LONRF3: variants seen among roughly 807,000 people sequenced by gnomAD.
The protein encoded by LONRF3 is LON peptidase N-terminal domain and RING finger protein 3.
LONRF3 carries 19 observed loss-of-function variants against 51.7 expected under a neutral mutation model. The ratio of observed to expected loss-of-function variants is 0.37; its 90% CI spans 0.26 to 0.54. LONRF3 has a LOEUF of 0.54. LONRF3 is among the 20% of genes least tolerant of loss of function. The probability of loss-of-function intolerance (pLI) is 0.86; values close to 1 mark genes in which losing one functional copy is unlikely to be tolerated. For missense variants in LONRF3, 521 were observed against 623.9 expected, an observed-to-expected ratio of 0.84 and a Z score of 1.76; for synonymous variants, 265 against 257.8, an observed-to-expected ratio of 1.03 and a Z score of -0.27.
chrX:118,998,749 T>G (rs956052276), intron 5 of LONRF3, among the ~76,000 whole-genome samples: 6 of 112,409 alleles, frequency 5.3e-5, no homozygotes, highest in Non-Finnish European at 9.4e-5. Flanking sequence ...TCACCCGGGC[T>G]GGAGTGCAGT....
chrX:118,997,038 T>G (rs1486283318), intron 5 of LONRF3, among the ~76,000 whole-genome samples: 3 of 110,542 alleles, frequency 2.7e-5, no homozygotes, highest in Non-Finnish European at 3.8e-5. Flanking sequence ...GAATCAATAC[T>G]GTGAAAACGA....
At chrX:118,987,026 C>A in intron 3 of LONRF3, 1 of 1,152,810 alleles carries the variant, frequency 8.7e-7, no homozygotes, top group Non-Finnish European at 1.1e-6. Flanking sequence ...TAAAGGAAAA[C>A]GTAGAGTCAA....
At chrX:119,009,004 G>T in intron 6 of LONRF3, 122 bp from the exon 7 acceptor site, 2 of 464,537 alleles carry the variant, frequency 4.3e-6, no homozygotes, top group Non-Finnish European at 3.5e-6. Flanking sequence ...CTGCTAATTT[G>T]TGGGTCCAGA....
At chrX:118,987,460 T>TTTTTG (rs1923088329) in intron 3 of LONRF3, among the ~76,000 whole-genome samples, 3 of 89,586 alleles carry the variant, frequency 3.3e-5, no homozygotes, top group Non-Finnish European at 6.6e-5. Flanking sequence ...TTTTTTTTTT[T>TTTTTG]TTTTTTTTTT....
chrX:118,975,805 G>A (rs1179590717), intron 1 of LONRF3, among the ~76,000 whole-genome samples: 1 of 109,936 alleles, frequency 9.1e-6, no homozygotes, highest in Non-Finnish European at 1.9e-5. Context: ...GTTTCACTGT[G>A]TTTGTGTTGA....
chrX:119,014,290 A>G lies in LONRF3; in HGVS notation c.2058A>G (p.Lys686=), dbSNP rs1052182813. The G allele has an allele frequency of 8.3e-7, 1 of 1,210,636 alleles. No homozygotes were observed. The change falls in exon 10 of 11, where the codon AAA becomes AAG. Residue 686 remains lysine, a synonymous_variant. Transcript: ENST00000371628. ...QQASLWFHSL[K]LSLKNRILNH... is the part of the protein sequence containing the mutation. ...CATCATTGTGGTTTCATTCGCTCAAATTATCCCTAAAGAATCGGATACTCA... is the reference window on the plus strand; with the variant it reads ...CATCATTGTGGTTTCATTCGCTCAAGTTATCCCTAAAGAATCGGATACTCA...
intron 5 of LONRF3, among the ~76,000 whole-genome samples, chrX:118,994,008 A>G (rs1197288026): frequency 8.9e-6 from 1 of 112,210 alleles, no homozygotes; most frequent in East Asian, 2.8e-4. Flanking sequence ...ACCACTACAA[A>G]AACTGCTAAA....
intron 6 of LONRF3, 37 bp downstream of exon 6, chrX:119,006,272 G>A (rs1462481789): frequency 1.0e-6 from 1 of 998,458 alleles, no homozygotes; most frequent in East Asian, 3.1e-5. Flanking sequence ...GTTTAAATCA[G>A]TATTTCTTTC....
intron 7 of LONRF3, among the ~76,000 whole-genome samples, chrX:119,010,940 C>A (rs1323564428): frequency 1.8e-5 from 2 of 109,356 alleles, no homozygotes; most frequent in African/African-American, 6.7e-5. Context: ...ATGGTGAAAC[C>A]CCATCTCTAA....
chrX:119,006,236 GTAAATCAATATTTCTTTCTTGTTTGGTT>G lies in LONRF3; in HGVS notation c.1530+9_1530+36del, dbSNP rs753173597. On this transcript the variant is annotated splice_donor_variant and splice_donor_5th_base_variant and intron_variant, in intron 6 of 10. Transcript: ENST00000371628. LOFTEE classifies it high-confidence loss of function. ...ATTGTGCAAAGACGGTCTTTCACAG[GTAAATCAATATTTCTTTCTTGTTTGGTT>G]TAAATCAGTATTTCTTTCTTGTTTT... is the stretch of plus-strand genomic sequence containing the variant. 1 of 1,099,336 alleles carries G rather than the reference GTAAATCAATATTTCTTTCTTGTTTGGTT, an allele frequency of 9.1e-7. No individual in the cohort carries two copies. The highest frequency in any genetic ancestry group is 1.2e-6 in the Non-Finnish European group (1 of 802,619). The allele number at this position is 1,099,336 out of a possible 1,213,427, so 90.6% of individuals were successfully genotyped here.
chrX:118,987,653 C>T (rs1187456423), intron 3 of LONRF3, among the ~76,000 whole-genome samples: 2 of 108,944 alleles, frequency 1.8e-5, no homozygotes, highest in African/African-American at 6.7e-5. Flanking sequence ...CTGGGCCATA[C>T]CATTTGGGTG....
chrX:119,012,043 C>T, intron 8 of LONRF3, 70 bp downstream of exon 8: 1 of 1,100,798 alleles, frequency 9.1e-7, no homozygotes, highest in Non-Finnish European at 1.2e-6. Flanking sequence ...TTGGGGTACT[C>T]CCAGGAGACA....
chrX:118,974,742 G>A lies in LONRF3; in HGVS notation c.-39G>A. ...TGCCACTCCTTGCTTCGTGTCCCCG[G>A]TCCCTAGACGCCTCGTCTCCTCCCG... On this transcript the variant is annotated 5_prime_UTR_variant, in exon 1 of 11. Transcript: ENST00000371628. The A allele has an allele frequency of 9.1e-7, 1 of 1,095,040 alleles. No homozygotes were observed. The highest frequency in any genetic ancestry group is 1.2e-6 in the Non-Finnish European group (1 of 820,244). The allele number at this position is 1,095,040 out of a possible 1,213,427, so 90.2% of individuals were successfully genotyped here.
intron 3 of LONRF3, chrX:118,986,918 G>A (rs1178793316): frequency 8.7e-7 from 1 of 1,152,412 alleles, no homozygotes; most frequent in South Asian, 1.9e-5. Flanking sequence ...TCTGTTTTAT[G>A]TCACAGCTTC....
Position 118,987,172 on chromosome X carries a change from G to T in LONRF3, c.1060-2236G>T, listed in dbSNP as rs976946311. ...AGTGAGCCCTCCCTCTCCTATTTTG[G>T]TTCCTGAGAAAGAAGAAATTGAGTC... is the stretch of plus-strand genomic sequence containing the variant. On this transcript the variant is annotated intron_variant, in intron 3 of 10. Coordinates refer to ENST00000371628, the MANE Select transcript of LONRF3 (RefSeq NM_001031855.3). The T allele has an allele frequency of 4.0e-6, 3 of 741,401 alleles. No individual in the cohort carries two copies. The African/African-American group carries it at 6.5e-5, about 16-fold the overall frequency. 61.1% of individuals were successfully genotyped at this position (741,401 alleles called of 1,213,427 possible). A position where few individuals can be genotyped will look rare whatever the true frequency, so the allele number is the denominator to read the frequency against.
At chrX:118,979,424 G>T (rs903640468) in intron 2 of LONRF3, among the ~76,000 whole-genome samples, 9 of 110,589 alleles carry the variant, frequency 8.1e-5, no homozygotes, top group African/African-American at 3.0e-4. Context: ...CTCCCGAGTA[G>T]CTGGGATCAC....
At chrX:119,016,641 G>A (rs928189926) in intron 10 of LONRF3, among the ~76,000 whole-genome samples, 4 of 112,166 alleles carry the variant, frequency 3.6e-5, no homozygotes, top group East Asian at 2.8e-4. Flanking sequence ...CACTGTGCCC[G>A]GCCCTGGGGC....
intron 5 of LONRF3, among the ~76,000 whole-genome samples, chrX:118,993,331 C>T: frequency 9.0e-6 from 1 of 111,488 alleles, no homozygotes; most frequent in Non-Finnish European, 1.9e-5. Flanking sequence ...AAAGAAAAAA[C>T]AATAAAAAAT....
intron 10 of LONRF3, 69 bp from the exon 11 acceptor site, chrX:119,017,466 A>G (rs1925538241): frequency 1.6e-5 from 17 of 1,079,000 alleles, no homozygotes; most frequent in Admixed American, 2.7e-5. Context: ...TACCTTGAGC[A>G]TTTGGAACTC....
Sources: gnomAD v4.1 joint callset for allele counts (sites outside exome capture counted in the v4.1 genomes callset) on GRCh38, gnomAD v4.1.1 for gene constraint, MANE v1.5 for transcripts, NCBI Gene and HGNC (gene_info 2026-07-23, HGNC 2026-07-21) for gene names.